Variants in GRID2 observed in about 807,000 individuals in gnomAD.
GRID2 encodes glutamate receptor ionotropic, delta-2.
In GRID2, 33 loss-of-function variants were observed where a neutral mutation model predicts 114.8. The ratio of observed to expected loss-of-function variants is 0.29; its 90% CI spans 0.22 to 0.38. The LOEUF (loss-of-function observed/expected upper bound fraction) is 0.38, where lower values mean the gene tolerates loss of function less well. Among genes scored for constraint, GRID2 ranks in the 10% least tolerant of loss-of-function variants. The pLI is 1.00. For synonymous variants in GRID2, 505 were observed against 449.9 expected (o/e 1.12, Z -1.55); for missense variants, 1,184 against 1,257.7 (o/e 0.94, Z 0.89).
intron 8 of GRID2, among the ~76,000 whole-genome samples, chr4:93,292,057 G>A (rs1324540416): frequency 6.6e-6 from 1 of 152,182 alleles, no homozygotes; most frequent in Non-Finnish European, 1.5e-5. Context: ...ATGGTGATAA[G>A]TCACTTATTC....
chr4:93,707,506 C>T (rs1463007395), intron 14 of GRID2, among the ~76,000 whole-genome samples: 1 of 151,968 alleles, frequency 6.6e-6, no homozygotes, highest in East Asian at 1.9e-4. Context: ...TCATAGTAGT[C>T]TCTAATAATC....
chr4:92,895,499 C>G (rs530090635), intron 2 of GRID2, among the ~76,000 whole-genome samples: 1 of 150,882 alleles, frequency 6.6e-6, no homozygotes, highest in South Asian at 2.1e-4. Context: ...ATCAAAGGCT[C>G]TATCTGATGT....
chr4:93,231,399 A>T (rs1314909149), intron 7 of GRID2, among the ~76,000 whole-genome samples: 1 of 151,698 alleles, frequency 6.6e-6, no homozygotes, highest in East Asian at 1.9e-4. Context: ...CCAAAAAAAA[A>T]AAAAAAAGAA....
chr4:93,167,599 A>C (rs574584032), intron 4 of GRID2, among the ~76,000 whole-genome samples: 1 of 152,296 alleles, frequency 6.6e-6, no homozygotes, highest in East Asian at 1.9e-4. Context: ...ATAAAAGAGT[A>C]ATGAAGGATG....
intron 4 of GRID2, among the ~76,000 whole-genome samples, chr4:93,134,601 A>G (rs1048451973): frequency 6.6e-6 from 1 of 152,144 alleles, no homozygotes; most frequent in Non-Finnish European, 1.5e-5. Context: ...CAAAAGTGCT[A>G]TGCTCAGTTT....
chr4:93,117,805 G>A (rs142868198), intron 4 of GRID2, among the ~76,000 whole-genome samples: 112 of 152,284 alleles, frequency 7.4e-4, no homozygotes, highest in African/African-American at 2.6e-3. Context: ...ATAGGCAAGA[G>A]TTATAGTGCT....
intron 1 of GRID2, among the ~76,000 whole-genome samples, chr4:93,790,643 A>G (rs1208894308): frequency 6.6e-6 from 1 of 152,190 alleles, no homozygotes; most frequent in African/African-American, 2.4e-5. Context: ...AATATTTAAA[A>G]TAACATTTTT....
chr4:92,675,747 G>A (rs1733321123), intron 2 of GRID2, among the ~76,000 whole-genome samples: 1 of 151,824 alleles, frequency 6.6e-6, no homozygotes, highest in African/African-American at 2.4e-5. Flanking sequence ...GTAAAGACAG[G>A]GTTTCACCAT....
At chr4:93,088,165 A>T (rs960426889) in intron 3 of GRID2, among the ~76,000 whole-genome samples, 5 of 152,184 alleles carry the variant, frequency 3.3e-5, no homozygotes, top group Non-Finnish European at 5.9e-5. Flanking sequence ...AGGGCAAAAT[A>T]TAAATGTCTA....
At chr4:92,680,878 G>C (rs891122367) in intron 2 of GRID2, among the ~76,000 whole-genome samples, 1 of 152,146 alleles carries the variant, frequency 6.6e-6, no homozygotes, top group Non-Finnish European at 1.5e-5. Context: ...GAATTACTTA[G>C]GTGATTGGAA....
intron 11 of GRID2, among the ~76,000 whole-genome samples, chr4:93,466,192 C>T (rs1363904464): frequency 6.6e-6 from 1 of 152,170 alleles, no homozygotes; most frequent in East Asian, 1.9e-4. Context: ...TCACAAACTG[C>T]CACTGATGGC....
At chr4:92,570,716 G>A (rs980423448) in intron 1 of GRID2, among the ~76,000 whole-genome samples, 1 of 152,008 alleles carries the variant, frequency 6.6e-6, no homozygotes, top group African/African-American at 2.4e-5. Context: ...TGGCATTTGT[G>A]AATGGGAGAT....
At chr4:93,441,576 A>C (rs2149392729) in intron 10 of GRID2, among the ~76,000 whole-genome samples, 1 of 152,168 alleles carries the variant, frequency 6.6e-6, no homozygotes, top group Admixed American at 6.6e-5. Context: ...GTACAACATT[A>C]AAACCACAAA....
chr4:92,701,843 T>G (rs1734689287), intron 2 of GRID2, among the ~76,000 whole-genome samples: 1 of 152,150 alleles, frequency 6.6e-6, no homozygotes, highest in Admixed American at 6.5e-5. Context: ...ATTAAAATTT[T>G]TGGTTAGGGC....
intron 1 of GRID2, among the ~76,000 whole-genome samples, chr4:92,503,475 A>G (rs1230659726): frequency 1.3e-5 from 2 of 152,086 alleles, no homozygotes; most frequent in East Asian, 3.9e-4. Context: ...TCCGTTTTTT[A>G]TGAGGTTTCC....
At chr4:93,602,310 T>A (rs778270297) in intron 13 of GRID2, among the ~76,000 whole-genome samples, 1 of 152,178 alleles carries the variant, frequency 6.6e-6, no homozygotes, top group African/African-American at 2.4e-5. Flanking sequence ...ATAGTCAGTC[T>A]AAAAAAAGTT....
intron 1 of GRID2, among the ~76,000 whole-genome samples, chr4:92,539,036 C>T (rs996805766): frequency 7.2e-5 from 9 of 124,234 alleles, no homozygotes; most frequent in African/African-American, 2.6e-4. Flanking sequence ...AGCAAGACTC[C>T]ATCTCAAAAA....
At chr4:92,527,472 C>T (rs1463714894) in intron 1 of GRID2, among the ~76,000 whole-genome samples, 1 of 151,892 alleles carries the variant, frequency 6.6e-6, no homozygotes, top group African/African-American at 2.4e-5. Context: ...TCTTTTAGCT[C>T]TATGTGGGAA....
At chr4:92,650,141 A>G (rs1044916396) in intron 2 of GRID2, among the ~76,000 whole-genome samples, 1 of 152,096 alleles carries the variant, frequency 6.6e-6, no homozygotes, top group Non-Finnish European at 1.5e-5. Flanking sequence ...TTTGCTTAAT[A>G]TATGTATATA....
Sources: gnomAD v4.1 joint callset for allele counts (sites outside exome capture counted in the v4.1 genomes callset) on GRCh38, gnomAD v4.1.1 for gene constraint, MANE v1.5 for transcripts, NCBI Gene and HGNC (gene_info 2026-07-23, HGNC 2026-07-21) for gene names.